Variants in PDE1A observed in about 807,000 individuals in gnomAD.
The protein encoded by PDE1A is dual specificity calcium/calmodulin-dependent 3',5'-cyclic nucleotide phosphodiesterase 1A.
PDE1A carries 35 observed loss-of-function variants against 61.7 expected under a neutral mutation model. That is an observed-to-expected ratio of 0.57 (90% CI 0.43 to 0.75). The LOEUF (loss-of-function observed/expected upper bound fraction) is 0.75. PDE1A is among the 30% of genes least tolerant of loss of function. The pLI is 0.00. For missense variants in PDE1A, 597 were observed against 630.6 expected (o/e 0.95, Z 0.57); for synonymous variants, 232 against 213.2 (o/e 1.09, Z -0.77).
the PDE1A span, among the ~76,000 whole-genome samples, chr2:182,644,512 T>C: frequency 6.6e-6 from 1 of 152,074 alleles, no homozygotes; most frequent in African/African-American, 2.4e-5. Flanking sequence ...GAATTATAAC[T>C]CTCCAAGTGC....
the PDE1A span, among the ~76,000 whole-genome samples, chr2:182,628,056 A>G: frequency 9.1e-5 from 3 of 33,002 alleles, no homozygotes; most frequent in South Asian, 2.1e-3. Flanking sequence ...GTATGTGTGC[A>G]CACACACACA....
intron 1 of PDE1A, among the ~76,000 whole-genome samples, chr2:182,265,618 C>G (rs1692578705): frequency 6.6e-6 from 1 of 152,026 alleles, no homozygotes. Context: ...AAGCCCCAAG[C>G]CTTGAGATAA....
At chr2:182,377,898 T>C (rs577515076) in intron 1 of PDE1A, among the ~76,000 whole-genome samples, 1 of 151,718 alleles carries the variant, frequency 6.6e-6, no homozygotes, top group Admixed American at 6.6e-5. Flanking sequence ...CAGACTGGAG[T>C]GCAGTGGTGC....
chr2:182,426,274 G>A (rs1315027758), intron 1 of PDE1A, among the ~76,000 whole-genome samples: 1 of 152,210 alleles, frequency 6.6e-6, no homozygotes, highest in Admixed American at 6.5e-5. Flanking sequence ...AGAGGGCTGT[G>A]CAACAGCCTA....
At chr2:182,141,367 G>A (rs180918595) in exon 15 of PDE1A, 14 of 152,060 alleles carry the variant, frequency 9.2e-5, no homozygotes, top group African/African-American at 3.4e-4. Context: ...AGGACAAAAA[G>A]TAACCATGAT....
At chr2:182,227,179 T>C (rs1272112344) in intron 6 of PDE1A, among the ~76,000 whole-genome samples, 2 of 152,064 alleles carry the variant, frequency 1.3e-5, no homozygotes, top group Non-Finnish European at 2.9e-5. Context: ...GAACACATGC[T>C]TCTAAGGTTT....
At chr2:182,265,548 A>G (rs1322415116) in intron 1 of PDE1A, among the ~76,000 whole-genome samples, 5 of 152,112 alleles carry the variant, frequency 3.3e-5, no homozygotes, top group Admixed American at 6.6e-5. Context: ...ATTTTAAAGT[A>G]TAGGACTCAG....
intron 1 of PDE1A, among the ~76,000 whole-genome samples, chr2:182,387,154 C>T (rs1338811803): frequency 6.6e-6 from 1 of 152,126 alleles, no homozygotes; most frequent in Non-Finnish European, 1.5e-5. Context: ...GTGCTGTGTC[C>T]ACTCAGGGTT....
downstream of PDE1A, among the ~76,000 whole-genome samples, chr2:182,145,494 G>A (rs757472845): frequency 5.3e-5 from 8 of 152,140 alleles, no homozygotes; most frequent in Admixed American, 4.6e-4. Context: ...TTGGGAGGCC[G>A]AGGCAGACGG....
chr2:182,392,082 A>G (rs1478171300), intron 1 of PDE1A, among the ~76,000 whole-genome samples: 2 of 152,146 alleles, frequency 1.3e-5, no homozygotes, highest in Non-Finnish European at 2.9e-5. Flanking sequence ...TTCCCCAGGG[A>G]GACATCCAGC....
intron 6 of PDE1A, among the ~76,000 whole-genome samples, chr2:182,229,076 T>G (rs577408325): frequency 6.6e-6 from 1 of 152,194 alleles, no homozygotes; most frequent in Admixed American, 6.6e-5. Flanking sequence ...GGATTTGATT[T>G]TCTCTATTTA....
intron 2 of PDE1A, among the ~76,000 whole-genome samples, chr2:182,478,572 G>A (rs919585549): frequency 6.6e-6 from 1 of 151,800 alleles, no homozygotes; most frequent in African/African-American, 2.4e-5. Flanking sequence ...ATTTATCCCT[G>A]CAAATACCTT....
intron 2 of PDE1A, among the ~76,000 whole-genome samples, chr2:182,458,076 A>T (rs921223784): frequency 1.3e-5 from 2 of 152,224 alleles, no homozygotes; most frequent in South Asian, 4.1e-4. Flanking sequence ...TGAGATACAT[A>T]TTTACAACAG....
intron 1 of PDE1A, among the ~76,000 whole-genome samples, chr2:182,276,131 TTCTC>T (rs966032302): frequency 6.6e-6 from 1 of 152,056 alleles, no homozygotes; most frequent in African/African-American, 2.4e-5. Flanking sequence ...CCTTTTTCCA[TTCTC>T]TCTCTTTTCT....
chr2:182,279,445 A>G (rs1693659714), intron 1 of PDE1A, among the ~76,000 whole-genome samples: 1 of 151,986 alleles, frequency 6.6e-6, no homozygotes, highest in Admixed American at 6.6e-5. Context: ...ATATATATTC[A>G]TGGACCAGAT....
At chr2:182,293,756 G>A (rs576555398) in intron 1 of PDE1A, among the ~76,000 whole-genome samples, 1 of 152,272 alleles carries the variant, frequency 6.6e-6, no homozygotes, top group South Asian at 2.1e-4. Flanking sequence ...GGAGTTATGT[G>A]AGTGGTATCT....
At chr2:182,355,592 T>A (rs989521183) in intron 1 of PDE1A, among the ~76,000 whole-genome samples, 2 of 152,136 alleles carry the variant, frequency 1.3e-5, no homozygotes, top group South Asian at 4.1e-4. Flanking sequence ...GTGTGCCATA[T>A]CTCATCATAC....
chr2:182,667,377 C>T, the PDE1A span, among the ~76,000 whole-genome samples: 5 of 152,142 alleles, frequency 3.3e-5, no homozygotes, highest in Non-Finnish European at 7.4e-5. Context: ...CTTTCAGGGT[C>T]CCATCATCCC....
At chr2:182,579,936 A>C in the PDE1A span, among the ~76,000 whole-genome samples, 5 of 152,214 alleles carry the variant, frequency 3.3e-5, no homozygotes, top group African/African-American at 1.2e-4. Context: ...CTATCAGCAC[A>C]TATTTCACTA....
Sources: allele counts gnomAD v4.1 joint callset (sites outside exome capture counted in the v4.1 genomes callset), GRCh38; gene constraint gnomAD v4.1.1; transcripts MANE v1.5; gene names NCBI Gene and HGNC (gene_info 2026-07-23, HGNC 2026-07-21).